GLG1: variants seen among roughly 807,000 people sequenced by gnomAD.
GLG1 encodes Golgi apparatus protein 1.
A neutral mutation model predicts 160.5 loss-of-function variants in GLG1; 38 were observed. The ratio of observed to expected loss-of-function variants is 0.24; its 90% CI spans 0.18 to 0.31. The LOEUF is 0.31. Ranked by LOEUF, GLG1 falls within the 10% of genes least tolerant of loss-of-function variation. The pLI, the probability that GLG1 is intolerant of heterozygous loss-of-function variation, is 1.00. For missense variants in GLG1, 1,373 were observed against 1,505.2 expected (o/e 0.91, Z 1.45); for synonymous variants, 644 against 543.4 (o/e 1.19, Z -2.57).
chr16:74,498,736 G>A (rs1018770746), intron 4 of GLG1, among the ~76,000 whole-genome samples: 2 of 149,666 alleles, frequency 1.3e-5, no homozygotes, highest in African/African-American at 4.9e-5. Flanking sequence ...GTGGTGACAC[G>A]TACCTATAAC....
At chr16:74,575,848 T>C (rs970219807) in intron 1 of GLG1, among the ~76,000 whole-genome samples, 1 of 152,132 alleles carries the variant, frequency 6.6e-6, no homozygotes, top group Non-Finnish European at 1.5e-5. Flanking sequence ...CGAAACCATA[T>C]ACAACCAACA....
chr16:74,464,177 T>C (rs984018431), intron 19 of GLG1, among the ~76,000 whole-genome samples: 7 of 152,188 alleles, frequency 4.6e-5, no homozygotes, highest in Non-Finnish European at 7.3e-5. Flanking sequence ...TGGTTCCCTA[T>C]CTAGAGGGTG....
chr16:74,459,566 G>C, intron 23 of GLG1, 116 bp downstream of exon 23: 2 of 665,190 alleles, frequency 3.0e-6, no homozygotes, highest in Non-Finnish European at 5.4e-6. Flanking sequence ...AGAGTGCTGG[G>C]CAGAAGGTTG....
chr16:74,579,260 T>C (rs1957881466), intron 1 of GLG1, among the ~76,000 whole-genome samples: 1 of 151,976 alleles, frequency 6.6e-6, no homozygotes, highest in African/African-American at 2.4e-5. Context: ...AACACAAAAA[T>C]TAGCCAGGTG....
intron 2 of GLG1, among the ~76,000 whole-genome samples, chr16:74,516,125 T>C (rs1186058741): frequency 1.3e-5 from 2 of 151,616 alleles, no homozygotes; most frequent in Non-Finnish European, 2.9e-5. Context: ...AACACCACAC[T>C]GTCAACATTA....
At position 74,456,657 on chromosome 16, in the gene GLG1, C is replaced by T. The variant is rs769374846; in HGVS notation, c.3364G>A (p.Ala1122Thr). 2 of 1,596,096 alleles carry T rather than the reference C, an allele frequency of 1.3e-6. No individual in the cohort carries two copies. Among genetic ancestry groups the T allele is most frequent in the Admixed American group, 1.7e-5 (1 of 57,788 alleles). The change falls in exon 25 of 26, where the codon GCA (alanine) becomes ACA (threonine). Residue 1122 changes from alanine to threonine, a missense_variant. Coordinates refer to ENST00000422840, the MANE Select transcript of GLG1 (RefSeq NM_001145667.2). ...LNDRIEMWSY[A>T]AKVAPADGFS... ...ATTCTCTTGGTCATTACCTTTGCTG[C>T]GTAACTCCACATCTCAATCCGGTCA...
chr16:74,487,338 C>G (rs1354004405), intron 8 of GLG1, among the ~76,000 whole-genome samples: 1 of 151,984 alleles, frequency 6.6e-6, no homozygotes, highest in Non-Finnish European at 1.5e-5. Context: ...CCTTATACAT[C>G]TAACCTATGA....
intron 18 of GLG1, among the ~76,000 whole-genome samples, chr16:74,467,077 C>T (rs1215378063): frequency 6.6e-6 from 1 of 152,150 alleles, no homozygotes; most frequent in Non-Finnish European, 1.5e-5. Context: ...AACTACAGAT[C>T]ATTACAGACA....
At chr16:74,486,082 T>G (rs1435019823) in intron 8 of GLG1, among the ~76,000 whole-genome samples, 165 bp from the exon 9 acceptor site, 1 of 152,226 alleles carries the variant, frequency 6.6e-6, no homozygotes, top group African/African-American at 2.4e-5. Context: ...CCAAATACTT[T>G]TCCAACTGGT....
At chr16:74,598,399 T>C (rs1210041346) in intron 1 of GLG1, among the ~76,000 whole-genome samples, 3 of 151,726 alleles carry the variant, frequency 2.0e-5, no homozygotes, top group African/African-American at 7.3e-5. Flanking sequence ...CGGGCGCCTG[T>C]AGTCCCAGCT....
intron 8 of GLG1, among the ~76,000 whole-genome samples, chr16:74,486,658 G>C (rs1431461597): frequency 6.6e-6 from 1 of 152,046 alleles, no homozygotes; most frequent in African/African-American, 2.4e-5. Flanking sequence ...TGCCTTTAAG[G>C]CACTTGGGGC....
At chr16:74,592,915 T>TC (rs1304315949) in intron 1 of GLG1, among the ~76,000 whole-genome samples, 1 of 152,108 alleles carries the variant, frequency 6.6e-6, no homozygotes, top group Non-Finnish European at 1.5e-5. Context: ...CTTTAAGAGC[T>TC]CACTAGGTCA....
chr16:74,461,322 C>T (rs994859353), intron 22 of GLG1, among the ~76,000 whole-genome samples: 8 of 151,356 alleles, frequency 5.3e-5, no homozygotes, highest in African/African-American at 1.5e-4. Flanking sequence ...TATACGCCAC[C>T]GGGCCGGGCT....
chr16:74,471,340 CT>C, intron 14 of GLG1, 54 bp from the exon 15 acceptor site: 1 of 998,678 alleles, frequency 1.0e-6, no homozygotes, highest in South Asian at 1.3e-5. Flanking sequence ...ATGAACAAAA[CT>C]TGTAGCCCAG....
chr16:74,503,805 T>G, intron 3 of GLG1, 59 bp from the exon 4 acceptor site: 1 of 1,095,988 alleles, frequency 9.1e-7, no homozygotes, highest in Non-Finnish European at 1.4e-6. Flanking sequence ...CAAACAATAT[T>G]TATCAAAGAG....
intron 1 of GLG1, among the ~76,000 whole-genome samples, chr16:74,545,493 A>G (rs1455657141): frequency 6.6e-6 from 1 of 152,164 alleles, no homozygotes; most frequent in East Asian, 1.9e-4. Context: ...CACTCCACCA[A>G]GTTTTCGAAG....
chr16:74,495,691 T>A (rs1354926336), intron 5 of GLG1, among the ~76,000 whole-genome samples: 1 of 152,150 alleles, frequency 6.6e-6, no homozygotes, highest in African/African-American at 2.4e-5. Context: ...ATATAATGCG[T>A]CAAAGTTTTA....
chr16:74,569,722 G>T (rs1239596882), intron 1 of GLG1, among the ~76,000 whole-genome samples: 1 of 152,030 alleles, frequency 6.6e-6, no homozygotes, highest in Non-Finnish European at 1.5e-5. Flanking sequence ...AATTAGCTGG[G>T]CATGGTGGGG....
intron 4 of GLG1, among the ~76,000 whole-genome samples, chr16:74,501,067 G>A (rs148587021): frequency 5.3e-5 from 8 of 152,194 alleles, no homozygotes; most frequent in African/African-American, 1.9e-4. Context: ...CAGCAAATTT[G>A]AAACTGACAA....
Sources: allele counts gnomAD v4.1 joint callset (sites outside exome capture counted in the v4.1 genomes callset), GRCh38; gene constraint gnomAD v4.1.1; transcripts MANE v1.5; gene names NCBI Gene and HGNC (gene_info 2026-07-23, HGNC 2026-07-21).